Variants in TMEM117 observed in about 807,000 individuals in gnomAD.
TMEM117 encodes transmembrane protein 117.
TMEM117 carries 27 observed loss-of-function variants against 52.4 expected under a neutral mutation model. The observed-to-expected ratio is 0.51, with a 90% CI of 0.38 to 0.71. The LOEUF (loss-of-function observed/expected upper bound fraction) is 0.71, where lower values mean the gene tolerates loss of function less well. Ranked by LOEUF, TMEM117 falls within the 30% of genes least tolerant of loss-of-function variation. TMEM117 has a pLI of 0.00. For missense variants in TMEM117, 556 were observed against 630.5 expected, an observed-to-expected ratio of 0.88 and a Z score of 1.26; for synonymous variants, 215 against 206.3, an observed-to-expected ratio of 1.04 and a Z score of -0.36.
intron 3 of TMEM117, among the ~76,000 whole-genome samples, chr12:44,013,829 T>G (rs1946332719): frequency 6.6e-6 from 1 of 152,202 alleles, no homozygotes; most frequent in Non-Finnish European, 1.5e-5. Flanking sequence ...CTCTCCAATT[T>G]GTGGTGTAGG....
the TMEM117 span, among the ~76,000 whole-genome samples, chr12:43,808,742 A>G: frequency 1.4e-5 from 2 of 143,206 alleles, no homozygotes; most frequent in Non-Finnish European, 3.1e-5. Flanking sequence ...TCCAGGAGGT[A>G]GAGGCTGCAA....
At chr12:44,337,225 T>G (rs1205455227) in intron 6 of TMEM117, among the ~76,000 whole-genome samples, 3 of 151,994 alleles carry the variant, frequency 2.0e-5, no homozygotes, top group Non-Finnish European at 1.5e-5. Flanking sequence ...TGCTCTCTGC[T>G]TCCAAGATGG....
chr12:44,006,411 G>A (rs1946197277), intron 3 of TMEM117, among the ~76,000 whole-genome samples: 1 of 152,276 alleles, frequency 6.6e-6, no homozygotes, highest in Non-Finnish European at 1.5e-5. Flanking sequence ...CTAGAATGGG[G>A]CATTTTTCCC....
intron 4 of TMEM117, among the ~76,000 whole-genome samples, chr12:44,153,608 G>A (rs1948786052): frequency 2.6e-5 from 4 of 151,912 alleles, no homozygotes; most frequent in Admixed American, 2.6e-4. Context: ...TTTCTGGAAT[G>A]GGAAAAAGGT....
chr12:44,268,390 C>T (rs887742510), intron 5 of TMEM117, among the ~76,000 whole-genome samples: 3 of 151,958 alleles, frequency 2.0e-5, no homozygotes, highest in East Asian at 1.9e-4. Flanking sequence ...GTGATCCACC[C>T]GCCTCGGCCT....
chr12:43,840,206 T>C lies in TMEM117; in HGVS notation c.-29+4010T>C, dbSNP rs551500525. Among the ~76,000 whole-genome samples, 340 of 152,348 alleles carry C rather than the reference T, an allele frequency of 2.2e-3. 1 individual carries two copies. The highest frequency in any genetic ancestry group is 4.1e-3 in the Non-Finnish European group (278 of 68,032). On this transcript the variant is annotated intron_variant, in intron 1 of 7. Coordinates refer to ENST00000266534, the MANE Select transcript of TMEM117 (RefSeq NM_032256.3). The stretch of plus-strand genomic sequence containing the variant: ...TGAAGCCAGGTGGCTTGGATTTAAA[T>C]TGTGGCTCTGATATAAATTAATTTT...
intron 3 of TMEM117, among the ~76,000 whole-genome samples, chr12:44,083,184 A>G (rs1156276062): frequency 6.6e-6 from 1 of 152,116 alleles, no homozygotes; most frequent in African/African-American, 2.4e-5. Context: ...TTCTAGGCAT[A>G]TAATGAAGAG....
At chr12:44,328,048 T>C (rs1482193437) in intron 6 of TMEM117, among the ~76,000 whole-genome samples, 1 of 152,230 alleles carries the variant, frequency 6.6e-6, no homozygotes, top group Non-Finnish European at 1.5e-5. Flanking sequence ...AATTTGTAAA[T>C]AGTGAACTTG....
chr12:44,388,982 C>CT lies in TMEM117; in HGVS notation c.*312dup, dbSNP rs1592736605. ...ATCTGATGTTCAACCATAGTGGTGC[C>CT]TTGAGACATTAAACTGTTTTTAACT... is the stretch of plus-strand genomic sequence containing the variant. On this transcript the variant is annotated 3_prime_UTR_variant, in exon 8 of 8. Transcript: ENST00000266534. The CT allele has an allele frequency of 3.4e-6, 1 of 295,652 alleles. No individual in the cohort carries two copies. 18.3% of individuals were successfully genotyped at this position (295,652 alleles called of 1,614,324 possible).
At chr12:44,101,700 G>A (rs558054907) in intron 3 of TMEM117, among the ~76,000 whole-genome samples, 1 of 152,110 alleles carries the variant, frequency 6.6e-6, no homozygotes, top group East Asian at 1.9e-4. Flanking sequence ...AACCCCCTCA[G>A]AGACCGGCTG....
chr12:44,296,399 G>A (rs1950769839), intron 5 of TMEM117, among the ~76,000 whole-genome samples: 1 of 152,126 alleles, frequency 6.6e-6, no homozygotes, highest in African/African-American at 2.4e-5. Flanking sequence ...CAGGGTCACA[G>A]ACAAATGTAC....
intron 6 of TMEM117, among the ~76,000 whole-genome samples, chr12:44,334,893 C>A (rs1040873823): frequency 1.3e-5 from 2 of 151,908 alleles, no homozygotes; most frequent in African/African-American, 2.4e-5. Flanking sequence ...TATAGAATGG[C>A]CTTTCACTGT....
chr12:43,852,206 C>T (rs1304219939), intron 2 of TMEM117, among the ~76,000 whole-genome samples: 2 of 152,076 alleles, frequency 1.3e-5, no homozygotes, highest in Non-Finnish European at 2.9e-5. Context: ...CCGAGTCGGG[C>T]GGATCACGAG....
chr12:43,871,531 T>A (rs1346782676), intron 2 of TMEM117, among the ~76,000 whole-genome samples: 11 of 152,244 alleles, frequency 7.2e-5, no homozygotes, highest in Admixed American at 7.2e-4. Context: ...TGTGTATGTC[T>A]TCTTTTGAGA....
At chr12:44,342,983 T>C (rs1247932334) in intron 6 of TMEM117, among the ~76,000 whole-genome samples, 1 of 152,034 alleles carries the variant, frequency 6.6e-6, no homozygotes, top group Admixed American at 6.6e-5. Flanking sequence ...TTCAAGTGAT[T>C]CTCGTGACTC....
intron 4 of TMEM117, among the ~76,000 whole-genome samples, chr12:44,185,938 T>C (rs1949272620): frequency 6.6e-6 from 1 of 151,008 alleles, no homozygotes; most frequent in Non-Finnish European, 1.5e-5. Context: ...TCTTATAGTG[T>C]TATTATTAGT....
intron 4 of TMEM117, among the ~76,000 whole-genome samples, chr12:44,186,333 G>A (rs1220575442): frequency 6.6e-6 from 1 of 152,148 alleles, no homozygotes; most frequent in African/African-American, 2.4e-5. Context: ...CCTCCAGAAA[G>A]CCAGGGTTGG....
intron 2 of TMEM117, among the ~76,000 whole-genome samples, chr12:43,887,351 G>A (rs181843630): frequency 8.2e-4 from 125 of 152,282 alleles, no homozygotes; most frequent in African/African-American, 2.3e-3. Flanking sequence ...AGTGAAGAAG[G>A]TACTTCTCTT....
intron 4 of TMEM117, among the ~76,000 whole-genome samples, chr12:44,145,367 G>C (rs1340813678): frequency 6.6e-6 from 1 of 151,868 alleles, no homozygotes; most frequent in Non-Finnish European, 1.5e-5. Flanking sequence ...AAGAGTCCAG[G>C]AATTTGAATT....
Sources: allele counts gnomAD v4.1 joint callset (sites outside exome capture counted in the v4.1 genomes callset), GRCh38; gene constraint gnomAD v4.1.1; transcripts MANE v1.5; gene names NCBI Gene and HGNC (gene_info 2026-07-23, HGNC 2026-07-21).